Variants in MDM4 observed in about 807,000 individuals in gnomAD.
MDM4 encodes the protein MDM4 regulator of p53.
In MDM4, 2 loss-of-function variants were observed where a neutral mutation model predicts 60.2. The observed-to-expected ratio is 0.03, with a 90% CI of 0.01 to 0.10. The LOEUF (loss-of-function observed/expected upper bound fraction) is 0.10, where lower values mean the gene tolerates loss of function less well. Among genes scored for constraint, MDM4 ranks in the 10% least tolerant of loss-of-function variants. The pLI is 1.00. For missense variants in MDM4, 447 were observed against 577.5 expected, an observed-to-expected ratio of 0.77 and a Z score of 2.32; for synonymous variants, 202 against 198.1, an observed-to-expected ratio of 1.02 and a Z score of -0.17.
At chr1:204,533,719 T>C (rs1661092448) in intron 5 of MDM4, among the ~76,000 whole-genome samples, 1 of 152,200 alleles carries the variant, frequency 6.6e-6, no homozygotes, top group Non-Finnish European at 1.5e-5. Context: ...GATAGTTTAC[T>C]GAAATAAGTA....
At chr1:204,517,909 C>A (rs1439645488) in intron 1 of MDM4, among the ~76,000 whole-genome samples, 2 of 151,526 alleles carry the variant, frequency 1.3e-5, no homozygotes, top group Non-Finnish European at 2.9e-5. Flanking sequence ...CACCTTTAAT[C>A]CCAGCACTTT....
chr1:204,529,969 C>T (rs1421410685), intron 3 of MDM4, among the ~76,000 whole-genome samples: 1 of 152,144 alleles, frequency 6.6e-6, no homozygotes, highest in Admixed American at 6.5e-5. Flanking sequence ...CTCCGCTTCC[C>T]AGGTTCAAGT....
At chr1:204,541,880 C>T (rs1311371192) in intron 7 of MDM4, among the ~76,000 whole-genome samples, 4 of 152,194 alleles carry the variant, frequency 2.6e-5, no homozygotes, top group African/African-American at 9.7e-5. Flanking sequence ...ATATGTACTT[C>T]AGCACACGTT....
chr1:204,537,482 T>G lies in MDM4; in HGVS notation c.396T>G (p.Ser132Arg), dbSNP rs1434843775. ...LAQDHSMDIP[S>R]QDQLKQSAEE... ...AGGATCACAGTATGGATATTCCAAG[T>G]CAAGACCAACTGAAGGTAAAATCAC... Residue 132 changes from serine (S) to arginine (R), a missense_variant, in exon 6 of 11, where the codon AGT becomes AGG. Ser to Arg is a moderately radical substitution (Grantham distance 110). Transcript: ENST00000367182. 6.2e-7 allele frequency: 1 copy of G among 1,613,412 alleles called. No homozygotes were observed. Among genetic ancestry groups the G allele is most frequent in the Non-Finnish European group, 8.5e-7 (1 of 1,179,332 alleles).
chr1:204,541,096 A>G (rs1426899432), intron 7 of MDM4, among the ~76,000 whole-genome samples: 1 of 152,180 alleles, frequency 6.6e-6, no homozygotes, highest in Non-Finnish European at 1.5e-5. Context: ...TTATTCCTTA[A>G]TGCAAATCCT....
chr1:204,555,860 CA>C lies in MDM4; in HGVS notation c.*6186del, dbSNP rs1000400717. The stretch of plus-strand genomic sequence containing the variant: ...CACCTGGGTGACAGAGACTCTGTCT[CA>C]AAAAAAAGGACATTTATCATTATAA... On this transcript the variant is annotated 3_prime_UTR_variant, in exon 11 of 11. Transcript: ENST00000367182. 3.7e-4 allele frequency: 68 copies of C among 184,176 alleles called. No individual in the cohort carries two copies. The highest frequency in any genetic ancestry group is 1.4e-3 in the African/African-American group (59 of 42,294). The allele number at this position is 184,176 out of a possible 1,614,324, so 11.4% of individuals were successfully genotyped here.
At chr1:204,547,971 C>T (rs997390035) in intron 10 of MDM4, among the ~76,000 whole-genome samples, 8 of 152,242 alleles carry the variant, frequency 5.3e-5, no homozygotes, top group Admixed American at 3.3e-4. Flanking sequence ...ATCCGCCCGC[C>T]TCAGCCTCCC....
chr1:204,518,414 A>G (rs1298653177), intron 1 of MDM4, among the ~76,000 whole-genome samples: 1 of 152,196 alleles, frequency 6.6e-6, no homozygotes, highest in African/African-American at 2.4e-5. Flanking sequence ...CTGCCGTCCC[A>G]GGTCCTGTAG....
intron 3 of MDM4, among the ~76,000 whole-genome samples, chr1:204,528,171 A>G (rs949752679): frequency 7.9e-5 from 12 of 151,594 alleles, no homozygotes; most frequent in Non-Finnish European, 1.5e-4. Flanking sequence ...TAAAAAAAGT[A>G]TTGGCAAGGA....
intron 3 of MDM4, 104 bp from the exon 4 acceptor site, chr1:204,530,580 G>A: frequency 4.1e-6 from 6 of 1,455,620 alleles, no homozygotes; most frequent in East Asian, 2.3e-5. Flanking sequence ...TTGTAAATAT[G>A]TTATTTCTTT....
chr1:204,533,583 C>G (rs763348113), intron 5 of MDM4, among the ~76,000 whole-genome samples: 17 of 152,244 alleles, frequency 1.1e-4, no homozygotes, highest in Admixed American at 6.5e-4. Flanking sequence ...ATCTTGAGCT[C>G]CTGGACTCAA....
chr1:204,536,607 C>T (rs1661453376), intron 5 of MDM4, among the ~76,000 whole-genome samples: 2 of 152,120 alleles, frequency 1.3e-5, no homozygotes, highest in African/African-American at 4.8e-5. Flanking sequence ...AATGAATAGT[C>T]CAGATTATTA....
chr1:204,547,714 G>T (rs981500005), intron 10 of MDM4, among the ~76,000 whole-genome samples: 1 of 152,180 alleles, frequency 6.6e-6, no homozygotes, highest in Admixed American at 6.5e-5. Context: ...ACAAATAACA[G>T]AGATAAATGT....
intron 5 of MDM4, chr1:204,532,922 T>A: frequency 7.6e-7 from 1 of 1,312,446 alleles, no homozygotes; most frequent in Non-Finnish European, 1.1e-6. Context: ...CCAAGAAAGC[T>A]TTATAGGTAA....
At position 204,547,809 on chromosome 1, in the gene MDM4, C is replaced by T. The variant is rs1454205910; in HGVS notation, c.903+932C>T. 2.6e-5 allele frequency among the ~76,000 whole-genome samples: 4 copies of T among 152,330 alleles called. No individual in the cohort carries two copies. In the South Asian group the frequency reaches 6.2e-4, roughly 24 times the overall value. On this transcript the variant is annotated intron_variant, in intron 10 of 10. Coordinates refer to ENST00000367182, the MANE Select transcript of MDM4 (RefSeq NM_002393.5). The stretch of plus-strand genomic sequence containing the variant: ...CATAATCTCGGCTCACTGCAACTTC[C>T]GCCTCCCGGCTTCGAGCGATTCTCC...
chr1:204,546,549 C>T (rs1662681140), intron 9 of MDM4, among the ~76,000 whole-genome samples: 1 of 152,156 alleles, frequency 6.6e-6, no homozygotes, highest in African/African-American at 2.4e-5. Flanking sequence ...GGCATCTTCT[C>T]TCTTCTGAAT....
chr1:204,538,159 T>C, intron 6 of MDM4, 50 bp from the exon 7 acceptor site: 1 of 978,970 alleles, frequency 1.0e-6, no homozygotes, highest in Non-Finnish European at 1.7e-6. Flanking sequence ...CTACATCCCC[T>C]GGTCTCAGTT....
chr1:204,549,424 G>A lies in MDM4; in HGVS notation c.1215G>A (p.Glu405=), dbSNP rs2102457695. 1.2e-6 allele frequency: 2 copies of A among 1,613,198 alleles called. No individual in the cohort carries two copies. Among genetic ancestry groups the A allele is most frequent in the Non-Finnish European group, 1.7e-6 (2 of 1,179,822 alleles). Residue 405 remains glutamate, a synonymous_variant, in exon 11 of 11, where the codon GAG becomes GAA. Transcript: ENST00000367182. ...TGGCTCACAGTTCTGAAAGCCAAGA[G>A]ACCATCTCAAGCATGGGAGAACAGT... ...LDLAHSSESQ[E]TISSMGEQLD...
intron 5 of MDM4, among the ~76,000 whole-genome samples, chr1:204,536,313 A>T (rs1441887381): frequency 6.6e-6 from 1 of 152,180 alleles, no homozygotes; most frequent in Non-Finnish European, 1.5e-5. Context: ...TTTGAAGACC[A>T]CTGTGGTCAG....
Sources: allele counts gnomAD v4.1 joint callset (sites outside exome capture counted in the v4.1 genomes callset), GRCh38; gene constraint gnomAD v4.1.1; transcripts MANE v1.5; gene names NCBI Gene and HGNC (gene_info 2026-07-23, HGNC 2026-07-21).